Variants in PARL observed in about 807,000 individuals in gnomAD.
PARL encodes presenilin associated rhomboid like.
Under a neutral mutation model 51.6 loss-of-function variants are expected in PARL, and 44 were observed. The ratio of observed to expected loss-of-function variants is 0.85; its 90% CI spans 0.67 to 1.10. PARL has a LOEUF of 1.10. PARL is among the 50% of genes least tolerant of loss of function. The pLI, the probability that PARL is intolerant of heterozygous loss-of-function variation, is 0.00. For synonymous variants in PARL, 172 were observed against 164.0 expected, an observed-to-expected ratio of 1.05 and a Z score of -0.37; for missense variants, 441 against 469.5, an observed-to-expected ratio of 0.94 and a Z score of 0.56.
intron 7 of PARL, among the ~76,000 whole-genome samples, chr3:183,835,410 C>T (rs1429891086): frequency 6.6e-6 from 1 of 152,058 alleles, no homozygotes. Context: ...CTCAGATGTC[C>T]CCAGTCCCTC....
chr3:183,837,398 A>G (rs1323488558), intron 7 of PARL, among the ~76,000 whole-genome samples: 1 of 152,238 alleles, frequency 6.6e-6, no homozygotes, highest in Non-Finnish European at 1.5e-5. Context: ...ACGGGTGCCC[A>G]GCAAAGGCTG....
At chr3:183,880,392 T>C (rs1183973994) in intron 1 of PARL, among the ~76,000 whole-genome samples, 3 of 152,016 alleles carry the variant, frequency 2.0e-5, no homozygotes, top group African/African-American at 7.2e-5. Flanking sequence ...GCCACAGTTA[T>C]AGTTCAGTTT....
At chr3:183,852,589 A>G (rs746133473) in intron 4 of PARL, among the ~76,000 whole-genome samples, 2 of 152,094 alleles carry the variant, frequency 1.3e-5, no homozygotes, top group Non-Finnish European at 2.9e-5. Flanking sequence ...CGGTTATACA[A>G]CACTGTCTGA....
chr3:183,837,389 C>T (rs1219536758), intron 7 of PARL, among the ~76,000 whole-genome samples: 2 of 152,172 alleles, frequency 1.3e-5, no homozygotes, highest in African/African-American at 4.8e-5. Flanking sequence ...TTTAGAGAAA[C>T]GGGTGCCCAG....
At chr3:183,855,967 C>CAAAA (rs199686416) in intron 4 of PARL, among the ~76,000 whole-genome samples, 1 of 124,182 alleles carries the variant, frequency 8.1e-6, no homozygotes, top group Non-Finnish European at 1.7e-5. Flanking sequence ...AAAAAATAAA[C>CAAAA]AAACAAAAAA....
At chr3:183,827,776 C>T (rs1204574836), downstream of PARL, among the ~76,000 whole-genome samples, 2 of 152,176 alleles carry the variant, frequency 1.3e-5, no homozygotes, top group Admixed American at 6.5e-5. Context: ...AGCCTGGAAC[C>T]ATGCGTGTGT....
intron 3 of PARL, among the ~76,000 whole-genome samples, chr3:183,865,098 G>A (rs1004158705): frequency 6.6e-6 from 1 of 151,914 alleles, no homozygotes; most frequent in African/African-American, 2.4e-5. Context: ...CTTGAGGTCA[G>A]GAGTTTGAGA....
At chr3:183,861,668 A>ATTTAAGTCTAATCAATTAGAC (rs1260914243) in intron 4 of PARL, among the ~76,000 whole-genome samples, 11 of 152,342 alleles carry the variant, frequency 7.2e-5, no homozygotes, top group Admixed American at 5.9e-4. Context: ...TTAAATGCTT[A>ATTTAAGTCTAATCAATTAGAC]TTTAAGTCTA....
intron 8 of PARL, 35 bp from the exon 9 acceptor site, chr3:183,833,624 G>A: frequency 6.6e-7 from 1 of 1,519,408 alleles, no homozygotes; most frequent in Non-Finnish European, 9.1e-7. Flanking sequence ...GCACAACTGT[G>A]ATTGCTCCAG....
At chr3:183,861,096 G>T (rs988589097) in intron 4 of PARL, 16 of 205,624 alleles carry the variant, frequency 7.8e-5, no homozygotes, top group Non-Finnish European at 1.4e-4. Context: ...GATTACAGGC[G>T]TAAGCCACTG....
intron 1 of PARL, among the ~76,000 whole-genome samples, chr3:183,882,909 T>G (rs545285547): frequency 1.2e-4 from 19 of 152,266 alleles, no homozygotes; most frequent in African/African-American, 4.1e-4. Flanking sequence ...TTCAAAGCCA[T>G]AAGAAGTCAA....
At chr3:183,862,950 T>C in intron 3 of PARL, 149 bp from the exon 4 acceptor site, 1 of 713,444 alleles carries the variant, frequency 1.4e-6, no homozygotes, top group East Asian at 2.7e-5. Flanking sequence ...CGTGGTAGAG[T>C]GGAAAAGGCA....
Position 183,866,748 on chromosome 3 carries a change from A to T in PARL, c.339T>A (p.Phe113Leu), listed in dbSNP as rs767127998. The T allele has an allele frequency of 5.0e-6, 8 of 1,604,004 alleles. No homozygotes were observed. In the South Asian group the frequency reaches 7.7e-5, roughly 15 times the overall value. The change falls in exon 3 of 10, where the codon TTT (phenylalanine) becomes TTA (leucine). Residue 113 changes from phenylalanine to leucine, a missense_variant. Phe to Leu is a conservative substitution (Grantham distance 22, BLOSUM62 0). Transcript: ENST00000317096. ...FFTVGFTGCA[F>L]GSAAIWQYES... Reference sequence around the variant, plus strand: ...CATATTGCCAAATAGCAGCTGATCCAAATGCACAGCCTGTAAACTATATAA... The same window carrying T: ...CATATTGCCAAATAGCAGCTGATCCTAATGCACAGCCTGTAAACTATATAA...
chr3:183,880,110 ACAGGTTTAGGTT>A (rs2108720688), intron 1 of PARL, among the ~76,000 whole-genome samples: 1 of 152,210 alleles, frequency 6.6e-6, no homozygotes, highest in East Asian at 1.9e-4. Flanking sequence ...TATCTTATTC[ACAGGTTTAGGTT>A]ATTCACCTCT....
downstream of PARL, chr3:183,829,246 G>T: frequency 2.5e-6 from 1 of 395,136 alleles, no homozygotes; most frequent in Non-Finnish European, 4.5e-6. Context: ...AGAGGCACTG[G>T]AGGGTCCAAA....
At chr3:183,879,161 C>T (rs960882607) in intron 1 of PARL, among the ~76,000 whole-genome samples, 3 of 152,196 alleles carry the variant, frequency 2.0e-5, no homozygotes, top group African/African-American at 7.2e-5. Context: ...CCCTCTTCTC[C>T]TTTTCCAAAC....
intron 1 of PARL, among the ~76,000 whole-genome samples, chr3:183,872,917 G>T (rs1450214002): frequency 6.6e-6 from 1 of 152,100 alleles, no homozygotes; most frequent in Non-Finnish European, 1.5e-5. Flanking sequence ...TGACATTTTT[G>T]AGCCACTGAG....
chr3:183,884,095 CAAAT>C (rs1734850056), intron 1 of PARL, among the ~76,000 whole-genome samples: 1 of 152,216 alleles, frequency 6.6e-6, no homozygotes, highest in Admixed American at 6.5e-5. Context: ...TCTTCTCTCT[CAAAT>C]TAGAAATGAA....
chr3:183,867,589 ACTTGGGAAG>A (rs1178653682), intron 2 of PARL, among the ~76,000 whole-genome samples: 1 of 152,002 alleles, frequency 6.6e-6, no homozygotes, highest in Admixed American at 6.6e-5. Flanking sequence ...AGTCCCAGCT[ACTTGGGAAG>A]CTGAGGCAGG....
Sources: allele counts gnomAD v4.1 joint callset (sites outside exome capture counted in the v4.1 genomes callset), GRCh38; gene constraint gnomAD v4.1.1; transcripts MANE v1.5; gene names NCBI Gene and HGNC (gene_info 2026-07-23, HGNC 2026-07-21).